Variants in KIFAP3 observed in about 807,000 individuals in gnomAD.
KIFAP3 encodes kinesin-associated protein 3.
In KIFAP3, 68 loss-of-function variants were observed where a neutral mutation model predicts 106.5. The observed-to-expected ratio is 0.64, with a 90% confidence interval of 0.53 to 0.78. The LOEUF (loss-of-function observed/expected upper bound fraction) is 0.78. Ranked by LOEUF, KIFAP3 falls within the 30% of genes least tolerant of loss-of-function variation. The pLI is 0.00. For synonymous variants in KIFAP3, 320 were observed against 311.5 expected (o/e 1.03, Z -0.29); for missense variants, 780 against 941.8 (o/e 0.83, Z 2.25).
At chr1:170,062,422 T>C (rs1254305717) in intron 1 of KIFAP3, among the ~76,000 whole-genome samples, 1 of 152,076 alleles carries the variant, frequency 6.6e-6, no homozygotes, top group Non-Finnish European at 1.5e-5. Context: ...TTACAAAACT[T>C]CTTTTGTTTT....
At chr1:169,986,077 T>G (rs1179455075) in intron 11 of KIFAP3, among the ~76,000 whole-genome samples, 6 of 145,050 alleles carry the variant, frequency 4.1e-5, no homozygotes, top group Non-Finnish European at 9.3e-5. Flanking sequence ...ATGTTTTATC[T>G]CAGGGCAATA....
At chr1:170,022,794 G>A (rs1249328741) in intron 9 of KIFAP3, among the ~76,000 whole-genome samples, 1 of 152,052 alleles carries the variant, frequency 6.6e-6, no homozygotes, top group Non-Finnish European at 1.5e-5. Flanking sequence ...GAGGTTTAAT[G>A]AGATAATTTA....
intron 17 of KIFAP3, among the ~76,000 whole-genome samples, chr1:169,967,046 C>CTTA (rs1412680051): frequency 2.6e-5 from 4 of 151,570 alleles, no homozygotes; most frequent in Non-Finnish European, 1.5e-5. Flanking sequence ...AATATTTTAG[C>CTTA]TTATGGTTGT....
chr1:169,978,603 A>C (rs1044059390), intron 15 of KIFAP3, among the ~76,000 whole-genome samples: 1 of 152,124 alleles, frequency 6.6e-6, no homozygotes, highest in Non-Finnish European at 1.5e-5. Context: ...AATTAATTAT[A>C]ATAGTAAAAA....
intron 19 of KIFAP3, among the ~76,000 whole-genome samples, chr1:169,924,189 C>A (rs544008): frequency 0.94 from 142,357 of 152,224 alleles, 66,652 homozygotes; most frequent in East Asian, 0.99. Flanking sequence ...AGTCCCAAGT[C>A]AGTGAAAGAC....
At chr1:170,054,150 G>T (rs1378046683) in intron 2 of KIFAP3, among the ~76,000 whole-genome samples, 1 of 151,772 alleles carries the variant, frequency 6.6e-6, no homozygotes, top group Non-Finnish European at 1.5e-5. Context: ...ATTTACAAGA[G>T]AAAAAACAAA....
Position 169,980,690 on chromosome 1 carries a change from G to A in KIFAP3, c.1798+1282C>T, listed in dbSNP as rs963137192. ...GGACAATAAATTCGGATCTAGAAGGGAATATGATGTTTAGAATCAGCTTCC... is the reference window on the plus strand; with the variant it reads ...GGACAATAAATTCGGATCTAGAAGGAAATATGATGTTTAGAATCAGCTTCC... On this transcript the variant is annotated intron_variant, in intron 15 of 19. Transcript: ENST00000361580. Among the ~76,000 whole-genome samples, 4 of 152,128 alleles carry A rather than the reference G, an allele frequency of 2.6e-5. No homozygotes were observed. In the South Asian group the frequency reaches 6.2e-4, roughly 24 times the overall value.
In KIFAP3 at chr1:170,020,037, C is replaced by T. The variant is rs556642506; in HGVS notation, c.1021-3413G>A. ...CAATTATATTTCTATATAATATCAA[C>T]CAAAACCAGGAAACTGGTAATTTTT... On this transcript the variant is annotated intron_variant, in intron 9 of 19. Transcript: ENST00000361580. Among the ~76,000 whole-genome samples the T allele has an allele frequency of 3.9e-5, 6 of 152,186 alleles. 1 individual carries two copies. Among genetic ancestry groups the T allele is most frequent in the African/African-American group, 1.4e-4 (6 of 41,528 alleles).
At chr1:169,997,866 C>CAAAAAAAACAA (rs1667441685) in intron 10 of KIFAP3, among the ~76,000 whole-genome samples, 1 of 74,100 alleles carries the variant, frequency 1.3e-5, no homozygotes, top group Non-Finnish European at 2.5e-5. Flanking sequence ...TGAGACGTCT[C>CAAAAAAAACAA]AAAAAAAAAA....
intron 1 of KIFAP3, among the ~76,000 whole-genome samples, chr1:170,083,810 A>C (rs139409720): frequency 6.6e-6 from 1 of 152,320 alleles, no homozygotes; most frequent in Admixed American, 6.5e-5. Context: ...ATTTAGAAAA[A>C]TTGGGGGAAA....
intron 17 of KIFAP3, among the ~76,000 whole-genome samples, chr1:169,964,908 A>C (rs1197068175): frequency 6.6e-6 from 1 of 152,162 alleles, no homozygotes; most frequent in Non-Finnish European, 1.5e-5. Flanking sequence ...AATTAAAGTT[A>C]GCTGCAGAAA....
At chr1:169,973,650 T>C (rs997967771) in intron 16 of KIFAP3, among the ~76,000 whole-genome samples, 1 of 151,804 alleles carries the variant, frequency 6.6e-6, no homozygotes, top group South Asian at 2.1e-4. Flanking sequence ...TTAGACTGAC[T>C]ACAGACTTCT....
At chr1:170,067,572 A>T (rs1381041437) in intron 1 of KIFAP3, 2 of 152,254 alleles carry the variant, frequency 1.3e-5, no homozygotes, top group African/African-American at 2.4e-5. Context: ...TCCCACTGTT[A>T]ATACTTGGTT....
At chr1:170,061,576 T>A (rs921900745) in intron 1 of KIFAP3, among the ~76,000 whole-genome samples, 9 of 152,328 alleles carry the variant, frequency 5.9e-5, no homozygotes, top group African/African-American at 2.2e-4. Context: ...GACTGTAAAC[T>A]AGTTCAACCA....
At chr1:170,013,952 T>A (rs900770066) in intron 10 of KIFAP3, among the ~76,000 whole-genome samples, 1 of 152,216 alleles carries the variant, frequency 6.6e-6, no homozygotes, top group African/African-American at 2.4e-5. Flanking sequence ...AGCATTCTAA[T>A]AGTCATAGAT....
At position 169,971,690 on chromosome 1, in the gene KIFAP3, A is replaced by AT. The variant is rs1487103516; in HGVS notation, c.1983+822dup. On this transcript the variant is annotated intron_variant, in intron 17 of 19. Coordinates refer to ENST00000361580, the MANE Select transcript of KIFAP3 (RefSeq NM_014970.4). ...TAGTGGATTTCCAACTAAGTTATTG[A>AT]TTTTTAAAAAAAAATGTTATTCTGA... 5.3e-5 allele frequency among the ~76,000 whole-genome samples: 8 copies of AT among 152,114 alleles called. No individual in the cohort carries two copies. The East Asian group carries it at 1.2e-3, about 22-fold the overall frequency.
chr1:169,945,462 G>A (rs1369777676), intron 19 of KIFAP3, among the ~76,000 whole-genome samples: 1 of 152,170 alleles, frequency 6.6e-6, no homozygotes, highest in East Asian at 1.9e-4. Context: ...ACAGCTCTGT[G>A]TAGCTCACAG....
intron 16 of KIFAP3, among the ~76,000 whole-genome samples, chr1:169,975,136 T>C (rs1377624158): frequency 6.6e-6 from 1 of 152,114 alleles, no homozygotes; most frequent in African/African-American, 2.4e-5. Flanking sequence ...ATTTAATCTA[T>C]GGATGGTTAA....
At chr1:169,959,905 T>G (rs1348666481) in intron 18 of KIFAP3, among the ~76,000 whole-genome samples, 2 of 152,128 alleles carry the variant, frequency 1.3e-5, no homozygotes, top group African/African-American at 4.8e-5. Context: ...CTCCATCTGG[T>G]TTGAAACACA....
Sources: gnomAD v4.1 joint callset for allele counts (sites outside exome capture counted in the v4.1 genomes callset) on GRCh38, gnomAD v4.1.1 for gene constraint, MANE v1.5 for transcripts, NCBI Gene and HGNC (gene_info 2026-07-23, HGNC 2026-07-21) for gene names.